ATE1: variants seen among roughly 807,000 people sequenced by gnomAD.
ATE1 encodes arginyl-tRNA--protein transferase 1.
Under a neutral mutation model 70.5 loss-of-function variants are expected in ATE1, and 36 were observed. The ratio of observed to expected loss-of-function variants is 0.51; its 90% CI spans 0.39 to 0.67. ATE1 has a LOEUF of 0.67. Among genes scored for constraint, ATE1 ranks in the 30% least tolerant of loss-of-function variants. ATE1 has a pLI of 0.00. For synonymous variants in ATE1, 232 were observed against 219.3 expected (o/e 1.06, Z -0.51); for missense variants, 593 against 629.5 (o/e 0.94, Z 0.62).
At chr10:121,916,602 G>A (rs555985392) in intron 3 of ATE1, among the ~76,000 whole-genome samples, 3 of 152,082 alleles carry the variant, frequency 2.0e-5, no homozygotes, top group Non-Finnish European at 4.4e-5. Flanking sequence ...TTGGGAGGCT[G>A]AGGCAGGTGG....
chr10:121,840,993 T>TC, intron 9 of ATE1, 89 bp downstream of exon 9: 1 of 1,186,874 alleles, frequency 8.4e-7, no homozygotes, highest in Non-Finnish European at 1.1e-6. Context: ...AATTAGGACT[T>TC]CTACTGTTAC....
intron 3 of ATE1, among the ~76,000 whole-genome samples, chr10:121,919,296 C>T (rs1951785149): frequency 6.6e-6 from 1 of 152,186 alleles, no homozygotes; most frequent in Admixed American, 6.5e-5. Flanking sequence ...AAGGAACCAA[C>T]TCCAGATACA....
chr10:121,778,679 G>A (rs978023893), intron 11 of ATE1, among the ~76,000 whole-genome samples: 10 of 143,108 alleles, frequency 7.0e-5, no homozygotes, highest in Non-Finnish European at 1.3e-4. Flanking sequence ...TCGGCTCACT[G>A]CAGCCTCCAG....
intron 5 of ATE1, among the ~76,000 whole-genome samples, chr10:121,906,383 G>T (rs1175519087): frequency 6.6e-6 from 1 of 152,012 alleles, no homozygotes; most frequent in Non-Finnish European, 1.5e-5. Context: ...CAAAAAATTA[G>T]CCAGGTGTAG....
intron 8 of ATE1, among the ~76,000 whole-genome samples, chr10:121,859,572 T>TGTAAAAGATG (rs1311494578): frequency 6.6e-6 from 1 of 151,940 alleles, no homozygotes; most frequent in African/African-American, 2.4e-5. Context: ...AGAGATGTAA[T>TGTAAAAGATG]TAATATGATG....
intron 7 of ATE1, among the ~76,000 whole-genome samples, chr10:121,873,611 T>TTC (rs1949935624): frequency 2.7e-5 from 4 of 149,636 alleles, no homozygotes; most frequent in Non-Finnish European, 5.9e-5. Flanking sequence ...GTAGGGGGAA[T>TTC]AAGGACCAAA....
chr10:121,819,216 T>G (rs1455808315), intron 10 of ATE1, among the ~76,000 whole-genome samples: 1 of 152,198 alleles, frequency 6.6e-6, no homozygotes, highest in Non-Finnish European at 1.5e-5. Flanking sequence ...ACGAATATCA[T>G]TCTCTTGGAA....
intron 11 of ATE1, among the ~76,000 whole-genome samples, chr10:121,770,976 G>A (rs1435493394): frequency 3.3e-5 from 5 of 152,088 alleles, no homozygotes; most frequent in South Asian, 2.1e-4. Flanking sequence ...GGAGGGTGGC[G>A]GGGGGAGAAA....
intron 3 of ATE1, among the ~76,000 whole-genome samples, chr10:121,921,896 GTCC>G (rs1278786202): frequency 3.3e-5 from 5 of 152,148 alleles, no homozygotes; most frequent in African/African-American, 1.2e-4. Flanking sequence ...GGTCTCTCTT[GTCC>G]TCCTGAATCC....
At chr10:121,764,226 T>A (rs1324520633) in intron 11 of ATE1, among the ~76,000 whole-genome samples, 1 of 151,662 alleles carries the variant, frequency 6.6e-6, no homozygotes, top group Non-Finnish European at 1.5e-5. Flanking sequence ...AGTCAACTAA[T>A]TAAAAAAAAT....
chr10:121,921,096 T>A (rs186854194), intron 3 of ATE1, among the ~76,000 whole-genome samples: 183 of 152,150 alleles, frequency 1.2e-3, no homozygotes, highest in African/African-American at 4.1e-3. Flanking sequence ...TATTTTAGAT[T>A]CAGGGGGTAT....
At chr10:121,767,640 C>A (rs1289664205) in intron 11 of ATE1, among the ~76,000 whole-genome samples, 1 of 152,076 alleles carries the variant, frequency 6.6e-6, no homozygotes, top group Non-Finnish European at 1.5e-5. Context: ...AGAAGACATA[C>A]AAATGGCCAA....
intron 8 of ATE1, among the ~76,000 whole-genome samples, chr10:121,850,502 C>T (rs1009628701): frequency 1.3e-5 from 2 of 152,174 alleles, no homozygotes; most frequent in Admixed American, 1.3e-4. Flanking sequence ...AATTGTATTT[C>T]CTTAAACCTT....
rs2135626110 is a variant in ATE1, at chr10:121,742,564, A to G, written c.*1116T>C. 1 of 152,332 alleles carries G rather than the reference A, an allele frequency of 6.6e-6. No homozygotes were observed. The highest frequency in any genetic ancestry group is 1.9e-4 in the East Asian group (1 of 5,176). 9.4% of individuals were successfully genotyped at this position (152,332 alleles called of 1,614,324 possible). Reference sequence around the variant, plus strand: ...GGGACATGTCTGACTGTCCTCCTGTACCCAGCACAGTGCCTGCCACCTTGA... The same window carrying G: ...GGGACATGTCTGACTGTCCTCCTGTGCCCAGCACAGTGCCTGCCACCTTGA... On this transcript the variant is annotated 3_prime_UTR_variant, in exon 12 of 12. Transcript: ENST00000224652.
At chr10:121,857,258 T>C (rs1020912557) in intron 8 of ATE1, among the ~76,000 whole-genome samples, 5 of 152,176 alleles carry the variant, frequency 3.3e-5, no homozygotes, top group Admixed American at 1.3e-4. Context: ...TTTCAACCCT[T>C]GCCCCACTTC....
intron 11 of ATE1, among the ~76,000 whole-genome samples, chr10:121,761,148 T>G (rs1268510315): frequency 6.6e-6 from 1 of 152,188 alleles, no homozygotes; most frequent in Non-Finnish European, 1.5e-5. Flanking sequence ...CTGCTCTGAT[T>G]TCCACCATGG....
chr10:121,868,047 C>T (rs1949722147), intron 8 of ATE1, among the ~76,000 whole-genome samples: 1 of 152,128 alleles, frequency 6.6e-6, no homozygotes, highest in African/African-American at 2.4e-5. Flanking sequence ...TGTGACCAAA[C>T]TGCTTCCTAG....
At chr10:121,898,120 G>C (rs1950847914) in intron 7 of ATE1, among the ~76,000 whole-genome samples, 3 of 151,848 alleles carry the variant, frequency 2.0e-5, no homozygotes, top group Admixed American at 2.0e-4. Context: ...CTGTGACAAC[G>C]ATGCCATCTC....
chr10:121,868,316 T>G (rs1949732122), intron 8 of ATE1, among the ~76,000 whole-genome samples: 1 of 152,362 alleles, frequency 6.6e-6, no homozygotes, highest in East Asian at 1.9e-4. Context: ...GATCATTACA[T>G]TAAGTATAAC....
Sources: allele counts gnomAD v4.1 joint callset (sites outside exome capture counted in the v4.1 genomes callset), GRCh38; gene constraint gnomAD v4.1.1; transcripts MANE v1.5; gene names NCBI Gene and HGNC (gene_info 2026-07-23, HGNC 2026-07-21).